Variants in RAB3IP observed in about 807,000 individuals in gnomAD.
RAB3IP encodes the protein RAB3A interacting protein.
In RAB3IP, 36 loss-of-function variants were observed where a neutral mutation model predicts 59.1. The observed-to-expected ratio is 0.61, with a 90% confidence interval of 0.47 to 0.80. The LOEUF (loss-of-function observed/expected upper bound fraction) is 0.80. Among genes scored for constraint, RAB3IP ranks in the 30% least tolerant of loss-of-function variants. RAB3IP has a pLI of 0.00. For missense variants in RAB3IP, 511 were observed against 536.0 expected (o/e 0.95, Z 0.46); for synonymous variants, 207 against 191.2 (o/e 1.08, Z -0.68).
At chr12:69,806,882 GC>G (rs1223687099) in intron 8 of RAB3IP, among the ~76,000 whole-genome samples, 1 of 152,118 alleles carries the variant, frequency 6.6e-6, no homozygotes, top group African/African-American at 2.4e-5. Flanking sequence ...GTTTCAGAGA[GC>G]ACGGGGTTGG....
chr12:69,809,351 C>T (rs1880017869), intron 8 of RAB3IP, among the ~76,000 whole-genome samples: 1 of 152,150 alleles, frequency 6.6e-6, no homozygotes, highest in African/African-American at 2.4e-5. Context: ...TTTATTTCAA[C>T]TTTGGTGAAT....
chr12:69,797,141 C>T (rs560347241), intron 6 of RAB3IP, among the ~76,000 whole-genome samples: 1 of 152,302 alleles, frequency 6.6e-6, no homozygotes. Context: ...ATGGGGCACT[C>T]AGTTATGACA....
At chr12:69,747,293 CGTGT>C (rs111438084) in intron 1 of RAB3IP, among the ~76,000 whole-genome samples, 6,792 of 137,640 alleles carry the variant, frequency 0.049, 325 homozygotes, top group African/African-American at 0.13. Flanking sequence ...CTTGCCCTTT[CGTGT>C]GTGTGTGTGT....
Position 69,801,646 on chromosome 12 carries a change from C to T in RAB3IP, c.1055C>T (p.Thr352Ile). ...SAVLEAVENN[T>I]LSIEPVGLQP... ...GTTCTGGAGGCTGTGGAAAACAATACTCTAAGCATTGAACCAGTGGGATTA... is the reference window on the plus strand; with the variant it reads ...GTTCTGGAGGCTGTGGAAAACAATATTCTAAGCATTGAACCAGTGGGATTA... The change falls in exon 8 of 11, where the codon ACT becomes ATT. Residue 352 changes from threonine (T) to isoleucine (I), a missense_variant. Transcript: ENST00000247833. 1.2e-6 allele frequency: 2 copies of T among 1,612,494 alleles called. No homozygotes were observed. The highest frequency in any genetic ancestry group is 2.2e-5 in the South Asian group (2 of 91,034).
At chr12:69,763,027 G>A (rs1201706786) in intron 3 of RAB3IP, among the ~76,000 whole-genome samples, 1 of 152,074 alleles carries the variant, frequency 6.6e-6, no homozygotes, top group African/African-American at 2.4e-5. Flanking sequence ...CTTTTATAAG[G>A]GATGATAACC....
At chr12:69,811,130 G>C (rs948814932) in intron 8 of RAB3IP, among the ~76,000 whole-genome samples, 1 of 152,120 alleles carries the variant, frequency 6.6e-6, no homozygotes, top group African/African-American at 2.4e-5. Flanking sequence ...CCTAATGTAG[G>C]AGCAGAAAAC....
chr12:69,779,135 C>T (rs924072408), intron 3 of RAB3IP: 2 of 132,012 alleles, frequency 1.5e-5, no homozygotes, highest in African/African-American at 2.8e-5. Flanking sequence ...TTTCTTAAGC[C>T]GGTCTGAAAA....
At chr12:69,771,029 T>C (rs892248825) in intron 3 of RAB3IP, among the ~76,000 whole-genome samples, 3 of 152,182 alleles carry the variant, frequency 2.0e-5, no homozygotes, top group African/African-American at 7.2e-5. Flanking sequence ...CTTCCCAGCT[T>C]TTGATAACCG....
chr12:69,804,242 A>G (rs1878870799), intron 8 of RAB3IP, among the ~76,000 whole-genome samples: 1 of 152,200 alleles, frequency 6.6e-6, no homozygotes, highest in African/African-American at 2.4e-5. Context: ...CATTTCTCTG[A>G]TGGCCAGTGA....
intron 3 of RAB3IP, among the ~76,000 whole-genome samples, chr12:69,770,752 G>C (rs1872975222): frequency 6.6e-6 from 1 of 152,022 alleles, no homozygotes. Flanking sequence ...ATGCAACACA[G>C]TATGGTGTAT....
At chr12:69,813,923 G>C (rs906717528) in intron 10 of RAB3IP, among the ~76,000 whole-genome samples, 2 of 152,126 alleles carry the variant, frequency 1.3e-5, no homozygotes, top group Non-Finnish European at 2.9e-5. Flanking sequence ...TCAAGGTCTG[G>C]TATGTTGAAA....
At chr12:69,742,013 T>C (rs1364772682) in intron 1 of RAB3IP, among the ~76,000 whole-genome samples, 1 of 152,210 alleles carries the variant, frequency 6.6e-6, no homozygotes, top group Non-Finnish European at 1.5e-5. Context: ...AAGGAAACTG[T>C]TCTTAAGGAA....
At chr12:69,813,393 G>A (rs972976058) in intron 10 of RAB3IP, among the ~76,000 whole-genome samples, 7 of 152,292 alleles carry the variant, frequency 4.6e-5, no homozygotes, top group Middle Eastern at 3.4e-3. Context: ...GGCCAGCAAA[G>A]TGGTCAGATT....
chr12:69,801,523 T>A lies in RAB3IP; in HGVS notation c.1018-86T>A, dbSNP rs1592596802. 11 of 672,100 alleles carry A rather than the reference T, an allele frequency of 1.6e-5. No individual in the cohort carries two copies. The East Asian group carries it at 3.0e-4, about 19-fold the overall frequency. The allele number at this position is 672,100 out of a possible 1,614,324, so 41.6% of individuals were successfully genotyped here. On this transcript the variant is annotated intron_variant, in intron 7 of 10. Coordinates refer to ENST00000247833, the MANE Select transcript of RAB3IP (RefSeq NM_022456.5). ...AAGCTAGTGGAACTTTGGAGAAGAA[T>A]AATTTATAAAATTCGTTTACTGTAG...
At chr12:69,792,083 C>G (rs1472258472) in intron 4 of RAB3IP, among the ~76,000 whole-genome samples, 1 of 152,128 alleles carries the variant, frequency 6.6e-6, no homozygotes. Context: ...CATTATCTCA[C>G]TTATATGTGG....
At chr12:69,760,984 T>C (rs1871220471) in intron 3 of RAB3IP, among the ~76,000 whole-genome samples, 1 of 152,202 alleles carries the variant, frequency 6.6e-6, no homozygotes. Flanking sequence ...TTCAAAAAGT[T>C]TTCCATTCTT....
intron 10 of RAB3IP, among the ~76,000 whole-genome samples, chr12:69,813,944 T>C (rs937386017): frequency 6.6e-6 from 1 of 152,194 alleles, no homozygotes; most frequent in Admixed American, 6.5e-5. Context: ...AATGTCATAT[T>C]TCTTTAAAAT....
intron 9 of RAB3IP, 42 bp from the exon 10 acceptor site, chr12:69,812,922 G>T (rs1880651975): frequency 3.1e-6 from 5 of 1,603,298 alleles, no homozygotes; most frequent in Non-Finnish European, 4.3e-6. Context: ...GCTTTGATAT[G>T]GGACATTTGA....
At chr12:69,803,850 A>C (rs1878791742) in intron 8 of RAB3IP, among the ~76,000 whole-genome samples, 1 of 152,218 alleles carries the variant, frequency 6.6e-6, no homozygotes, top group African/African-American at 2.4e-5. Flanking sequence ...ATGGCTACAT[A>C]GTATTCCATG....
Sources: gnomAD v4.1 joint callset for allele counts (sites outside exome capture counted in the v4.1 genomes callset) on GRCh38, gnomAD v4.1.1 for gene constraint, MANE v1.5 for transcripts, NCBI Gene and HGNC (gene_info 2026-07-23, HGNC 2026-07-21) for gene names.